MRPL3: variants seen among roughly 807,000 people sequenced by gnomAD.
MRPL3 encodes large ribosomal subunit protein uL3m.
A neutral mutation model predicts 44.3 loss-of-function variants in MRPL3; 43 were observed. That is an observed-to-expected ratio of 0.97 (90% CI 0.76 to 1.25). The LOEUF is 1.25. Ranked by LOEUF, MRPL3 falls within the 50% of genes most tolerant of loss-of-function variation. The probability of loss-of-function intolerance (pLI) is 0.00; values close to 1 mark genes in which losing one functional copy is unlikely to be tolerated. For missense variants in MRPL3, 406 were observed against 427.6 expected (o/e 0.95, Z 0.45); for synonymous variants, 171 against 152.3 (o/e 1.12, Z -0.91).
intron 6 of MRPL3, among the ~76,000 whole-genome samples, chr3:131,480,890 A>T (rs1224917298): frequency 6.6e-6 from 1 of 152,234 alleles, no homozygotes; most frequent in East Asian, 1.9e-4. Flanking sequence ...ACAGATTTTT[A>T]GAATTGAAAG....
intron 9 of MRPL3, among the ~76,000 whole-genome samples, chr3:131,466,574 T>C (rs1933605940): frequency 6.6e-6 from 1 of 151,210 alleles, no homozygotes; most frequent in South Asian, 2.1e-4. Context: ...TTAGTAATAA[T>C]AAAAAAGCTC....
At chr3:131,462,926 G>C (rs56168760) in intron 9 of MRPL3, 51 bp from the exon 10 acceptor site, 1 of 1,484,486 alleles carries the variant, frequency 6.7e-7, no homozygotes, top group Admixed American at 1.9e-5. Flanking sequence ...TTTAAAGGTA[G>C]ACTTTTCAGC....
At position 131,468,116 on chromosome 3, in the gene MRPL3, G is replaced by A; in HGVS notation, c.869C>T (p.Pro290Leu). Reference protein sequence around the residue: ...HNIIYVNGSVPGHKNCLVKVK... With the variant: ...HNIIYVNGSVLGHKNCLVKVK... ...CTTTACTAAGCAATTTTTATGTCCA[G>A]GTACAGAGCCATTTACATAGATTAT... is the stretch of plus-strand genomic sequence containing the variant. The change falls in exon 9 of 10, where the codon CCT (proline) becomes CTT (leucine). Residue 290 changes from proline to leucine, a missense_variant. Physicochemically the swap from Pro to Leu is moderately conservative, Grantham distance 98 (BLOSUM62 -3). Transcript: ENST00000264995. 1 of 1,586,236 alleles carries A rather than the reference G, an allele frequency of 6.3e-7. No homozygotes were observed. Among genetic ancestry groups the A allele is most frequent in the Non-Finnish European group, 8.6e-7 (1 of 1,169,160 alleles).
chr3:131,483,758 T>C (rs1934049461), intron 6 of MRPL3, among the ~76,000 whole-genome samples: 1 of 152,184 alleles, frequency 6.6e-6, no homozygotes, highest in Non-Finnish European at 1.5e-5. Context: ...ATTCCTGAGG[T>C]AGACAGATAC....
At chr3:131,490,101 A>AT (rs1934221419) in intron 4 of MRPL3, 21 bp from the exon 5 acceptor site, 1 of 1,486,326 alleles carries the variant, frequency 6.7e-7, no homozygotes, top group African/African-American at 1.4e-5. Context: ...AGCAGCACAT[A>AT]TAAGTAATAC....
chr3:131,502,764 C>T lies in MRPL3; in HGVS notation c.58G>A (p.Asp20Asn). ...VGAQVLGRLG[D>N]GLGAALGPGN... Reference sequence around the variant, plus strand: ...GGGCCCAGGGCAGCACCCAGGCCGTCCCCGAGTCGACCCAGCACCTGGGCG... The same window carrying T: ...GGGCCCAGGGCAGCACCCAGGCCGTTCCCGAGTCGACCCAGCACCTGGGCG... Residue 20 changes from aspartate to asparagine, a missense_variant, in exon 1 of 10, where the codon GAC (aspartate) becomes AAC (asparagine). Coordinates refer to ENST00000264995, the MANE Select transcript of MRPL3 (RefSeq NM_007208.4). 6.2e-7 allele frequency: 1 copy of T among 1,612,502 alleles called. No individual in the cohort carries two copies. The highest frequency in any genetic ancestry group is 8.5e-7 in the Non-Finnish European group (1 of 1,179,226).
At chr3:131,471,705 T>C (rs1368055869) in intron 6 of MRPL3, among the ~76,000 whole-genome samples, 3 of 152,180 alleles carry the variant, frequency 2.0e-5, no homozygotes, top group Non-Finnish European at 4.4e-5. Flanking sequence ...TCCTGTTTAA[T>C]TCCCTCCCCT....
Position 131,490,055 on chromosome 3 carries a change from T to C in MRPL3, c.494A>G (p.Tyr165Cys), listed in dbSNP as rs781155680. ...FRKATSILEF[Y>C]RELGLPPKQT... is the part of the protein sequence containing the mutation. ...TTTCGGCGGCAATCCAAGTTCCCGGTAAAATTCCAATATGGATGTAGCTTT... is the reference window on the plus strand; with the variant it reads ...TTTCGGCGGCAATCCAAGTTCCCGGCAAAATTCCAATATGGATGTAGCTTT... Residue 165 changes from tyrosine (Y) to cysteine (C), a missense_variant, in exon 5 of 10, where the codon TAC (tyrosine) becomes TGC (cysteine). Physicochemically the swap from Tyr to Cys is radical, Grantham distance 194. Coordinates refer to ENST00000264995, the MANE Select transcript of MRPL3 (RefSeq NM_007208.4). 6.2e-7 allele frequency: 1 copy of C among 1,610,340 alleles called. No homozygotes were observed. Among genetic ancestry groups the C allele is most frequent in the Non-Finnish European group, 8.5e-7 (1 of 1,176,884 alleles).
intron 9 of MRPL3, among the ~76,000 whole-genome samples, chr3:131,467,263 C>G (rs767467801): frequency 6.6e-6 from 1 of 152,062 alleles, no homozygotes; most frequent in South Asian, 2.1e-4. Context: ...CATACACACA[C>G]ACACACACAC....
Position 131,500,505 on chromosome 3 carries a change from A to T in MRPL3, c.294T>A (p.Gly98=). 2 of 1,613,790 alleles carry T rather than the reference A, an allele frequency of 1.2e-6. No individual in the cohort carries two copies. Among genetic ancestry groups the T allele is most frequent in the Non-Finnish European group, 1.7e-6 (2 of 1,179,808 alleles). The stretch of plus-strand genomic sequence containing the variant: ...TCATGCCCAGCTTCAAGGCAATAAG[A>T]CCAACTCTAAAGGAACCTGGCAATT... The part of the protein sequence containing the change: ...HPWEPGSFRV[G]LIALKLGMMP... Residue 98 remains glycine (G), a synonymous_variant, in exon 3 of 10, where the codon GGT becomes GGA. Transcript: ENST00000264995.
intron 6 of MRPL3, among the ~76,000 whole-genome samples, chr3:131,478,708 A>ATT (rs68160977): frequency 0.019 from 2,579 of 135,714 alleles, 54 homozygotes; most frequent in Middle Eastern, 0.034. Flanking sequence ...GAAATATTCG[A>ATT]TTTTTTTTTT....
intron 4 of MRPL3, 41 bp from the exon 5 acceptor site, chr3:131,490,121 T>G: frequency 2.2e-6 from 3 of 1,380,938 alleles, no homozygotes; most frequent in Non-Finnish European, 3.1e-6. Context: ...CATTGAATAT[T>G]AAAAGTGGAA....
chr3:131,463,009 A>T (rs1011844030), intron 9 of MRPL3, 134 bp from the exon 10 acceptor site: 2 of 694,668 alleles, frequency 2.9e-6, no homozygotes, highest in Non-Finnish European at 4.3e-6. Flanking sequence ...ACATAAATAG[A>T]GTAAAAAGAA....
intron 4 of MRPL3, among the ~76,000 whole-genome samples, chr3:131,495,275 T>G (rs941001926): frequency 6.6e-6 from 1 of 152,142 alleles, no homozygotes; most frequent in Non-Finnish European, 1.5e-5. Flanking sequence ...TGGATACTTT[T>G]AGTTTCAAAA....
At chr3:131,477,140 C>T (rs960971) in intron 6 of MRPL3, among the ~76,000 whole-genome samples, 1,614 of 152,244 alleles carry the variant, frequency 0.011, 26 homozygotes, top group African/African-American at 0.035. Context: ...TCATGTATTT[C>T]TTTACTTTGT....
intron 4 of MRPL3, among the ~76,000 whole-genome samples, chr3:131,490,427 T>A (rs1458003976): frequency 6.6e-6 from 1 of 152,080 alleles, no homozygotes; most frequent in Non-Finnish European, 1.5e-5. Context: ...CCCCGAAAAA[T>A]CAACTCTGCC....
chr3:131,468,006 A>T (rs891918321), intron 9 of MRPL3, 85 bp downstream of exon 9: 5 of 716,096 alleles, frequency 7.0e-6, no homozygotes, highest in Non-Finnish European at 1.1e-5. Context: ...TATATAAACA[A>T]TAGAAAATAA....
Position 131,462,774 on chromosome 3 carries a change from C to G in MRPL3, c.996G>C (p.Leu332Phe). 1.2e-6 allele frequency: 2 copies of G among 1,612,934 alleles called. No individual in the cohort carries two copies. The highest frequency in any genetic ancestry group is 1.7e-6 in the Non-Finnish European group (2 of 1,179,312). ...CGGGCTGACACACGTTTTCATCATACAAATCTTCTGGCAGTTCCTCTTCAT... is the reference window on the plus strand; with the variant it reads ...CGGGCTGACACACGTTTTCATCATAGAAATCTTCTGGCAGTTCCTCTTCAT... ...DGDEEELPED[L>F]YDENVCQPGA... is the part of the protein sequence containing the mutation. The change falls in exon 10 of 10, where the codon TTG becomes TTC. Residue 332 changes from leucine (L) to phenylalanine (F), a missense_variant. Coordinates refer to ENST00000264995, the MANE Select transcript of MRPL3 (RefSeq NM_007208.4).
intron 5 of MRPL3, 76 bp from the exon 6 acceptor site, chr3:131,487,816 C>G (rs781267241): frequency 1.7e-6 from 2 of 1,167,612 alleles, no homozygotes; most frequent in East Asian, 2.4e-5. Flanking sequence ...TAAACTATAT[C>G]CAGGAAGGCT....
Sources: gnomAD v4.1 joint callset for allele counts (sites outside exome capture counted in the v4.1 genomes callset) on GRCh38, gnomAD v4.1.1 for gene constraint, MANE v1.5 for transcripts, NCBI Gene and HGNC (gene_info 2026-07-23, HGNC 2026-07-21) for gene names.